Variants in INF2 observed in about 807,000 individuals in gnomAD.
INF2 encodes the protein inverted formin 2.
In INF2, 43 loss-of-function variants were observed where a neutral mutation model predicts 123.5. The observed-to-expected ratio is 0.35, with a 90% CI of 0.27 to 0.45. The LOEUF is 0.45. Ranked by LOEUF, INF2 falls within the 20% of genes least tolerant of loss-of-function variation. INF2 has a pLI of 1.00. For synonymous variants in INF2, 851 were observed against 745.0 expected, an observed-to-expected ratio of 1.14 and a Z score of -2.32; for missense variants, 1,453 against 1,682.7, an observed-to-expected ratio of 0.86 and a Z score of 2.39.
chr14:104,696,457 C>T (rs564012953), intron 1 of INF2, among the ~76,000 whole-genome samples: 5 of 152,374 alleles, frequency 3.3e-5, no homozygotes, highest in South Asian at 4.1e-4. Flanking sequence ...CACAGACCCT[C>T]CCTGGGCCTT....
chr14:104,699,636 C>A lies in INF2; in HGVS notation c.-9-1721C>A, dbSNP rs1235626615. The A allele has an allele frequency of 3.8e-5, 37 of 975,268 alleles. No individual in the cohort carries two copies. Among genetic ancestry groups the A allele is most frequent in the Non-Finnish European group, 4.5e-5 (37 of 820,832 alleles). 60.4% of individuals were successfully genotyped at this position (975,268 alleles called of 1,614,324 possible). On this transcript the variant is annotated intron_variant, in intron 1 of 22. Coordinates refer to ENST00000392634, the MANE Select transcript of INF2 (RefSeq NM_022489.4). The surrounding 1 kb of genome is among the most constrained non-coding windows in gnomAD (Gnocchi z 4.7). ...CCACTGGGTGACCAAGAGGGCCGGGCCTGGGAGGGTGGCTTAAAACCACAG... is the reference window on the plus strand; with the variant it reads ...CCACTGGGTGACCAAGAGGGCCGGGACTGGGAGGGTGGCTTAAAACCACAG...
At chr14:104,704,244 A>G (rs1889671506) in intron 5 of INF2, 15 of 1,265,184 alleles carry the variant, frequency 1.2e-5, no homozygotes, top group Non-Finnish European at 1.6e-5. Flanking sequence ...ATCCTAAGTG[A>G]ACCAACCCAG....
At chr14:104,682,171 A>G (rs182909817) in intron 1 of INF2, among the ~76,000 whole-genome samples, 2 of 152,300 alleles carry the variant, frequency 1.3e-5, no homozygotes, top group Non-Finnish European at 2.9e-5. Context: ...TCTCCCTGCT[A>G]TTCTACAGGA....
intron 1 of INF2, among the ~76,000 whole-genome samples, chr14:104,700,129 C>T (rs562900456): frequency 1.3e-5 from 2 of 152,276 alleles, no homozygotes; most frequent in East Asian, 1.9e-4. Flanking sequence ...GCTCAGCTCC[C>T]GTGACCTCAA....
At chr14:104,693,486 A>G (rs1335246413) in intron 1 of INF2, among the ~76,000 whole-genome samples, 2 of 152,142 alleles carry the variant, frequency 1.3e-5, no homozygotes, top group Non-Finnish European at 2.9e-5. Context: ...AACCCAGGGC[A>G]CAGTTGAGGA....
chr14:104,715,428 C>T, intron 22 of INF2, 88 bp downstream of exon 22: 1 of 1,221,092 alleles, frequency 8.2e-7, no homozygotes. Context: ...CTCCGGGACA[C>T]TAACCTGGCT....
In INF2 at chr14:104,701,776, G is replaced by T; in HGVS notation, c.391+20G>T. The T allele has an allele frequency of 6.8e-7, 1 of 1,467,502 alleles. No individual in the cohort carries two copies. 90.9% of individuals were successfully genotyped at this position (1,467,502 alleles called of 1,614,324 possible). ...CCCAGGGTGAGCCGCAGTGTGGGAG[G>T]GCCGCCCAGGCGGACGCTGGGGACC... On this transcript the variant is annotated intron_variant, in intron 2 of 22. Coordinates refer to ENST00000392634, the MANE Select transcript of INF2 (RefSeq NM_022489.4).
chr14:104,686,007 G>A (rs12432572), upstream of INF2, among the ~76,000 whole-genome samples: 47,783 of 97,182 alleles, frequency 0.49, 11,184 homozygotes, highest in East Asian at 0.72. Context: ...GGGTAGGTGG[G>A]TGGATAGGTG....
chr14:104,683,878 G>T (rs1888593746), intron 1 of INF2, among the ~76,000 whole-genome samples: 1 of 152,092 alleles, frequency 6.6e-6, no homozygotes, highest in African/African-American at 2.4e-5. Flanking sequence ...AGGGTTCAAG[G>T]CCAGAAGCAG....
At position 104,712,861 on chromosome 14, in the gene INF2, C is replaced by A; in HGVS notation, c.2644C>A (p.Leu882Met). The A allele has an allele frequency of 6.2e-7, 1 of 1,612,496 alleles. No homozygotes were observed. The highest frequency in any genetic ancestry group is 8.5e-7 in the Non-Finnish European group (1 of 1,179,700). Residue 882 changes from leucine (L) to methionine (M), a missense_variant, in exon 18 of 23, where the codon CTG (leucine) becomes ATG (methionine). Physicochemically the swap from Leu to Met is conservative, Grantham distance 15. Coordinates refer to ENST00000392634, the MANE Select transcript of INF2 (RefSeq NM_022489.4). ...SISAFRALDE[L>M]FEAIEQKQRE... ...CTCGGCCTTCCGGGCACTGGATGAGCTGTTTGAGGCCATCGAGCAGAAGCA... is the reference window on the plus strand; with the variant it reads ...CTCGGCCTTCCGGGCACTGGATGAGATGTTTGAGGCCATCGAGCAGAAGCA...
chr14:104,688,491 C>G (rs1026744469), upstream of INF2, among the ~76,000 whole-genome samples: 26 of 152,268 alleles, frequency 1.7e-4, no homozygotes, highest in African/African-American at 6.3e-4. Context: ...GCCCACACAG[C>G]AGGCCCTCCG....
At position 104,711,177 on chromosome 14, in the gene INF2, C is replaced by T. The variant is rs767953575; in HGVS notation, c.2409C>T (p.His803=). 76 of 1,560,056 alleles carry T rather than the reference C, an allele frequency of 4.9e-5. No homozygotes were observed. In the African/African-American group the frequency reaches 7.2e-4, roughly 15 times the overall value. Residue 803 remains histidine (H), a synonymous_variant, in exon 15 of 23, where the codon CAC becomes CAT. Transcript: ENST00000392634. Reference sequence around the variant, plus strand: ...AGAACCGCGTGACGCTGCTGCACCACGTGCTGGAGGTGGGCCGTGGTGGCG... The same window carrying T: ...AGAACCGCGTGACGCTGCTGCACCATGTGCTGGAGGTGGGCCGTGGTGGCG... The part of the protein sequence containing the change: ...SQQNRVTLLH[H]VLEEAEKSHP...
upstream of INF2, chr14:104,689,229 G>T: frequency 1.0e-6 from 1 of 985,420 alleles, no homozygotes; most frequent in Non-Finnish European, 1.2e-6. Flanking sequence ...GGGAGTCCCG[G>T]GCCGGGGCAG....
chr14:104,713,339 GGTGAC>G, intron 19 of INF2, 30 bp downstream of exon 19: 1 of 1,552,196 alleles, frequency 6.4e-7, no homozygotes, highest in Non-Finnish European at 8.7e-7. Flanking sequence ...GCGGGGAGGG[GGTGAC>G]TCTGGGATCC....
intron 1 of INF2, among the ~76,000 whole-genome samples, chr14:104,698,832 G>T (rs1889326908): frequency 6.6e-6 from 1 of 152,220 alleles, no homozygotes; most frequent in African/African-American, 2.4e-5. Context: ...CCCTGTCTAT[G>T]CCGGGCCGCA....
chr14:104,682,788 G>A (rs1888557506), intron 1 of INF2, among the ~76,000 whole-genome samples: 1 of 152,124 alleles, frequency 6.6e-6, no homozygotes, highest in Non-Finnish European at 1.5e-5. Context: ...CACCCCAGCA[G>A]TGGCCACTCC....
At position 104,707,482 on chromosome 14, in the gene INF2, CCTGAAAGTTTCG is replaced by C. The variant is rs1331111113; in HGVS notation, c.1217_1228del (p.Leu406_Ser409del). On this transcript the variant is annotated inframe_deletion, in exon 8 of 23. Transcript: ENST00000392634. ...TGGACCACGCCCAGAGTGAGAGCATCCTGAAAGTTTCGCAGCCCAGAGCCCTGGAGCAGCAGG... is the reference window on the plus strand; with the variant it reads ...TGGACCACGCCCAGAGTGAGAGCATCCAGCCCAGAGCCCTGGAGCAGCAGG... 5.8e-6 allele frequency: 9 copies of C among 1,550,740 alleles called. No homozygotes were observed. Among genetic ancestry groups the C allele is most frequent in the Middle Eastern group, 1.7e-4 (1 of 6,014 alleles).
At position 104,718,964 on chromosome 14, in the gene INF2, C is replaced by A; in HGVS notation, c.*171C>A. ...CTGGAGCCTTCTTGGGGTGTTGTGG[C>A]TGGGAACCCGACAGGCACCAGTGCC... is the stretch of plus-strand genomic sequence containing the variant. On this transcript the variant is annotated 3_prime_UTR_variant, in exon 23 of 23. Transcript: ENST00000392634. The A allele has an allele frequency of 7.1e-7, 1 of 1,408,760 alleles. No homozygotes were observed. Among genetic ancestry groups the A allele is most frequent in the Non-Finnish European group, 9.3e-7 (1 of 1,080,822 alleles). The allele number at this position is 1,408,760 out of a possible 1,614,324, so 87.3% of individuals were successfully genotyped here.
Position 104,699,953 on chromosome 14 carries a change from G to A in INF2, c.-9-1404G>A, listed in dbSNP as rs574466442. ...TTGGACAGGTGGAGGGCTGAGGGGC[G>A]GTGCGGGGAGTAGGGGCTGGACTGC... On this transcript the variant is annotated intron_variant, in intron 1 of 22. Coordinates refer to ENST00000392634, the MANE Select transcript of INF2 (RefSeq NM_022489.4). The surrounding 1 kb of genome is among the most constrained non-coding windows in gnomAD (Gnocchi z 4.7). Among the ~76,000 whole-genome samples, 21 of 152,254 alleles carry A rather than the reference G, an allele frequency of 1.4e-4. No individual in the cohort carries two copies. The highest frequency in any genetic ancestry group is 2.5e-4 in the Non-Finnish European group (17 of 67,986).
Sources: gnomAD v4.1 joint callset for allele counts (sites outside exome capture counted in the v4.1 genomes callset) on GRCh38, gnomAD v4.1.1 for gene constraint, Gnocchi (gnomAD v3.1) non-coding constraint, MANE v1.5 for transcripts, NCBI Gene and HGNC (gene_info 2026-07-23, HGNC 2026-07-21) for gene names.